ALG6: variants seen among roughly 807,000 people sequenced by gnomAD.
ALG6 encodes the protein dolichyl pyrophosphate Man9GlcNAc2 alpha-1,3-glucosyltransferase.
ALG6 carries 46 observed loss-of-function variants against 66.6 expected under a neutral mutation model. The observed-to-expected ratio is 0.69, with a 90% CI of 0.55 to 0.88. ALG6 has a LOEUF of 0.88. ALG6 is among the 40% of genes least tolerant of loss of function. ALG6 has a pLI of 0.00. For missense variants in ALG6, 505 were observed against 586.8 expected, an observed-to-expected ratio of 0.86 and a Z score of 1.44; for synonymous variants, 185 against 203.7, an observed-to-expected ratio of 0.91 and a Z score of 0.78.
intron 12 of ALG6, among the ~76,000 whole-genome samples, chr1:63,426,989 A>C (rs1275107598): frequency 2.0e-5 from 3 of 152,032 alleles, no homozygotes; most frequent in Non-Finnish European, 4.4e-5. Flanking sequence ...CAAGCAGTGA[A>C]ATGGAAAGTC....
chr1:63,381,235 A>G (rs930505553), intron 2 of ALG6, among the ~76,000 whole-genome samples: 1 of 152,150 alleles, frequency 6.6e-6, no homozygotes, highest in Non-Finnish European at 1.5e-5. Context: ...CAGGCGGATC[A>G]TGAGGTCAGG....
At chr1:63,422,279 A>G (rs866655803) in intron 12 of ALG6, among the ~76,000 whole-genome samples, 1 of 86,834 alleles carries the variant, frequency 1.2e-5, no homozygotes, top group Non-Finnish European at 2.0e-5. Context: ...ATATATATAT[A>G]AATATATATA....
chr1:63,404,429 C>G, intron 4 of ALG6, 24 bp from the exon 5 acceptor site: 1 of 1,549,398 alleles, frequency 6.5e-7, no homozygotes, highest in Admixed American at 1.7e-5. Flanking sequence ...AATGAAGTAT[C>G]TGTATATATG....
chr1:63,408,809 C>T (rs879379986), intron 7 of ALG6, among the ~76,000 whole-genome samples: 9 of 152,134 alleles, frequency 5.9e-5, no homozygotes, highest in Non-Finnish European at 8.8e-5. Flanking sequence ...TTCGGAGTTT[C>T]GCTCTTGTCC....
intron 12 of ALG6, among the ~76,000 whole-genome samples, chr1:63,422,375 AAG>A (rs1644588359): frequency 8.8e-6 from 1 of 113,056 alleles, no homozygotes; most frequent in Non-Finnish European, 1.7e-5. Context: ...AAATATATAT[AAG>A]TATAAATATA....
chr1:63,405,295 A>T (rs1396093953), intron 5 of ALG6, among the ~76,000 whole-genome samples: 1 of 152,112 alleles, frequency 6.6e-6, no homozygotes, highest in Non-Finnish European at 1.5e-5. Flanking sequence ...CCATGTGATT[A>T]TTTGGCTTCT....
intron 9 of ALG6, 168 bp from the exon 10 acceptor site, chr1:63,413,893 A>G (rs1557592140): frequency 1.1e-5 from 6 of 549,154 alleles, no homozygotes; most frequent in Non-Finnish European, 2.0e-5. Flanking sequence ...TGCTTGAGAC[A>G]GTGTATGCGT....
At chr1:63,411,478 T>A in intron 8 of ALG6, 147 bp downstream of exon 8, 1 of 717,320 alleles carries the variant, frequency 1.4e-6, no homozygotes, top group Non-Finnish European at 2.3e-6. Flanking sequence ...AAGAGAGAGA[T>A]TAAGTCATGT....
chr1:63,438,197 G>A lies in ALG6; in HGVS notation c.*1177G>A, dbSNP rs1055523471. ...GATATAAGAAGGTATGTGTTTCTAA[G>A]TCTGGTAAAGGAAGTGGGTTTAGAC... On this transcript the variant is annotated 3_prime_UTR_variant, in exon 15 of 15. Coordinates refer to ENST00000263440, the MANE Select transcript of ALG6 (RefSeq NM_013339.4). 5 of 152,102 alleles carry A rather than the reference G, an allele frequency of 3.3e-5. No homozygotes were observed. Among genetic ancestry groups the A allele is most frequent in the Admixed American group, 6.6e-5 (1 of 15,256 alleles). 9.4% of individuals were successfully genotyped at this position (152,102 alleles called of 1,614,324 possible). A position where few individuals can be genotyped will look rare whatever the true frequency, so the allele number is the denominator to read the frequency against.
chr1:63,387,443 C>T (rs982638997), intron 2 of ALG6, among the ~76,000 whole-genome samples: 1 of 150,878 alleles, frequency 6.6e-6, no homozygotes, highest in African/African-American at 2.4e-5. Flanking sequence ...CTAGGTGCTC[C>T]AGTGCTGGAT....
intron 11 of ALG6, among the ~76,000 whole-genome samples, chr1:63,416,468 A>C (rs1644546408): frequency 6.6e-6 from 1 of 152,272 alleles, no homozygotes; most frequent in East Asian, 1.9e-4. Context: ...GAAAGGACAC[A>C]GGATATTCTG....
chr1:63,399,978 C>T (rs187276216), intron 3 of ALG6, among the ~76,000 whole-genome samples: 8 of 151,206 alleles, frequency 5.3e-5, no homozygotes, highest in East Asian at 2.0e-4. Context: ...GGGCAGATCA[C>T]GAGGTCAGGA....
intron 14 of ALG6, 25 bp downstream of exon 14, chr1:63,429,151 C>T (rs975242703): frequency 6.6e-7 from 1 of 1,507,236 alleles, no homozygotes; most frequent in South Asian, 1.2e-5. Flanking sequence ...TAAGAAATGA[C>T]ACATTTTTCA....
rs112308537 is a variant in ALG6, at chr1:63,376,387, A to G, written c.82+5328A>G. ...TTGTGGTACATAGCCGTATTTTTCA[A>G]ATAACTAATCTGAGCTTTGCCCATT... On this transcript the variant is annotated intron_variant, in intron 2 of 14. Transcript: ENST00000263440. Among the ~76,000 whole-genome samples the G allele has an allele frequency of 2.7e-3, 416 of 152,322 alleles. 4 individuals carry two copies. The highest frequency in any genetic ancestry group is 9.2e-3 in the African/African-American group (381 of 41,564).
chr1:63,434,903 G>T (rs1316339329), intron 14 of ALG6, among the ~76,000 whole-genome samples: 1 of 152,186 alleles, frequency 6.6e-6, no homozygotes, highest in Non-Finnish European at 1.5e-5. Flanking sequence ...AGATGTCTAA[G>T]AATTAACTGG....
intron 12 of ALG6, among the ~76,000 whole-genome samples, chr1:63,421,725 G>C (rs1644574617): frequency 6.6e-6 from 1 of 152,006 alleles, no homozygotes; most frequent in Non-Finnish European, 1.5e-5. Flanking sequence ...CCTTTGCAGG[G>C]ACACAGATGC....
intron 8 of ALG6, 21 bp from the exon 9 acceptor site, chr1:63,411,905 C>G (rs1644518232): frequency 6.2e-7 from 1 of 1,613,848 alleles, no homozygotes; most frequent in Non-Finnish European, 8.5e-7. Context: ...ATCTTACTGC[C>G]TACCTTTGTT....
chr1:63,389,242 A>T, intron 2 of ALG6, among the ~76,000 whole-genome samples: 1 of 152,048 alleles, frequency 6.6e-6, no homozygotes, highest in Non-Finnish European at 1.5e-5. Context: ...TATCTTATAG[A>T]TCTTCTAGGC....
At position 63,411,350 on chromosome 1, in the gene ALG6, C is replaced by A; in HGVS notation, c.680+19C>A. Reference sequence around the variant, plus strand: ...GAAAGGGGTGAGTGACTTTTAAACACTAGAATCCAAAAATTTACTTCAGAT... The same window carrying A: ...GAAAGGGGTGAGTGACTTTTAAACAATAGAATCCAAAAATTTACTTCAGAT... On this transcript the variant is annotated intron_variant, in intron 8 of 14. Coordinates refer to ENST00000263440, the MANE Select transcript of ALG6 (RefSeq NM_013339.4). 6.2e-7 allele frequency: 1 copy of A among 1,607,116 alleles called. No individual in the cohort carries two copies. Among genetic ancestry groups the A allele is most frequent in the African/African-American group, 1.3e-5 (1 of 74,672 alleles).
Sources: allele counts gnomAD v4.1 joint callset (sites outside exome capture counted in the v4.1 genomes callset), GRCh38; gene constraint gnomAD v4.1.1; transcripts MANE v1.5; gene names NCBI Gene and HGNC (gene_info 2026-07-23, HGNC 2026-07-21).